RYR2: variants seen among roughly 807,000 people sequenced by gnomAD.
RYR2 encodes the protein ryanodine receptor 2.
RYR2 carries 227 observed loss-of-function variants against 601.1 expected under a neutral mutation model. The observed-to-expected ratio is 0.38, with a 90% confidence interval of 0.34 to 0.42. RYR2 has a LOEUF of 0.42. Ranked by LOEUF, RYR2 falls within the 10% of genes least tolerant of loss-of-function variation. The pLI is 1.00. For synonymous variants in RYR2, 2,223 were observed against 2,175.1 expected (o/e 1.02, Z -0.61); for missense variants, 4,646 against 6,156.5 (o/e 0.75, Z 8.21).
rs189987138 is a variant in RYR2 at position 237,314,725 on chromosome 1, C to T, written c.169-16153C>T. On this transcript the variant is annotated intron_variant, in intron 2 of 104. Coordinates refer to ENST00000366574, the MANE Select transcript of RYR2 (RefSeq NM_001035.3). Reference sequence around the variant, plus strand: ...CTGAAGTCCGTGATATATTATATTGCTTGCTCCTCACTTGTCTTTGTGTCC... The same window carrying T: ...CTGAAGTCCGTGATATATTATATTGTTTGCTCCTCACTTGTCTTTGTGTCC... 1.4e-3 allele frequency among the ~76,000 whole-genome samples: 214 copies of T among 152,274 alleles called. 1 individual carries two copies. Among genetic ancestry groups the T allele is most frequent in the African/African-American group, 3.7e-3 (154 of 41,544 alleles).
At chr1:237,593,729 AT>A in intron 33 of RYR2, 93 bp downstream of exon 33, 1 of 1,247,346 alleles carries the variant, frequency 8.0e-7, no homozygotes, top group Non-Finnish European at 1.1e-6. Flanking sequence ...TGACCAAGGT[AT>A]TTCTATTTAT....
chr1:237,756,221 T>C, intron 80 of RYR2, 67 bp from the exon 81 acceptor site: 1 of 1,022,834 alleles, frequency 9.8e-7, no homozygotes, highest in South Asian at 1.3e-5. Context: ...TGACTAAAAA[T>C]ATGGTCTGTA....
intron 16 of RYR2, among the ~76,000 whole-genome samples, chr1:237,462,449 G>T (rs935967961): frequency 1.3e-5 from 2 of 152,160 alleles, no homozygotes; most frequent in Non-Finnish European, 2.9e-5. Context: ...CATCACTGTG[G>T]CATGCTTTCA....
chr1:237,125,714 CAT>C (rs768299262), intron 1 of RYR2, among the ~76,000 whole-genome samples: 2 of 152,140 alleles, frequency 1.3e-5, no homozygotes, highest in Non-Finnish European at 2.9e-5. Context: ...AAAAAACAAA[CAT>C]GTATCATAAA....
In RYR2 at chr1:237,660,092, G is replaced by T; in HGVS notation, c.8298+18G>T. On this transcript the variant is annotated intron_variant, in intron 55 of 104. Transcript: ENST00000366574. The stretch of plus-strand genomic sequence containing the variant: ...CTGAAAAGGTAAGGATTTTTTGTTT[G>T]TTTTAGTTTGTAAAGTTTTTATTCT... 4 of 1,389,780 alleles carry T rather than the reference G, an allele frequency of 2.9e-6. No individual in the cohort carries two copies. Among genetic ancestry groups the T allele is most frequent in the South Asian group, 3.5e-5 (2 of 57,016 alleles). 86.1% of individuals were successfully genotyped at this position (1,389,780 alleles called of 1,614,324 possible).
Position 237,576,949 on chromosome 1 carries a change from A to G in RYR2, c.3598+7630A>G, listed in dbSNP as rs189247288. Among the ~76,000 whole-genome samples the G allele has an allele frequency of 6.6e-3, 1,001 of 152,284 alleles. 9 individuals carry two copies. The highest frequency in any genetic ancestry group is 0.031 in the Middle Eastern group (9 of 294). ...ATTCTGTTGGCAAACATTTGTAAAG[A>G]CCTGACAATACTCAGCATTGGAGAG... On this transcript the variant is annotated intron_variant, in intron 29 of 104. Coordinates refer to ENST00000366574, the MANE Select transcript of RYR2 (RefSeq NM_001035.3).
At chr1:237,383,703 A>G (rs1361058789) in intron 8 of RYR2, among the ~76,000 whole-genome samples, 1 of 152,012 alleles carries the variant, frequency 6.6e-6, no homozygotes, top group Non-Finnish European at 1.5e-5. Flanking sequence ...TGCTGGGATT[A>G]CAGGCGTGAG....
chr1:237,661,730 C>T (rs1411970031), intron 56 of RYR2, among the ~76,000 whole-genome samples: 2 of 152,194 alleles, frequency 1.3e-5, no homozygotes, highest in African/African-American at 4.8e-5. Flanking sequence ...TATACAGCCA[C>T]ACAGGCAGAG....
intron 25 of RYR2, among the ~76,000 whole-genome samples, chr1:237,544,636 A>AT (rs1282134698): frequency 6.6e-6 from 1 of 152,218 alleles, no homozygotes; most frequent in Admixed American, 6.5e-5. Flanking sequence ...ATAATCATTC[A>AT]TATTAGCAGT....
rs565435952 is a variant in RYR2 at position 237,631,871 on chromosome 1, G to A, written c.6555+330G>A. On this transcript the variant is annotated intron_variant, in intron 42 of 104. Transcript: ENST00000366574. ...TCTCGATCTCCTGACCTCGTGATCC[G>A]CCCGCCTTGGCCTCCCCTCCCGAAG... Among the ~76,000 whole-genome samples, 2,380 of 53,688 alleles carry A rather than the reference G, an allele frequency of 0.044. 114 individuals are homozygous for A. The highest frequency in any genetic ancestry group is 0.23 in the East Asian group (945 of 4,182). 35.2% of individuals were successfully genotyped at this position (53,688 alleles called of 152,430 possible).
chr1:237,828,558 C>T (rs1663415812), intron 102 of RYR2, 113 bp downstream of exon 102: 3 of 680,996 alleles, frequency 4.4e-6, no homozygotes, highest in Non-Finnish European at 7.4e-6. Context: ...AAGGGCACAA[C>T]TTGTGGTTTC....
At chr1:237,825,947 A>G (rs1226589727) in intron 101 of RYR2, among the ~76,000 whole-genome samples, 1 of 152,208 alleles carries the variant, frequency 6.6e-6, no homozygotes, top group Non-Finnish European at 1.5e-5. Flanking sequence ...AAGAAATGCA[A>G]ATCAAAACCA....
chr1:237,673,806 C>T (rs1685161808), intron 58 of RYR2, among the ~76,000 whole-genome samples: 2 of 152,170 alleles, frequency 1.3e-5, no homozygotes, highest in South Asian at 4.1e-4. Flanking sequence ...GAGAATACAG[C>T]TGCTTCCCTC....
chr1:237,277,965 C>T (rs1690456619), intron 2 of RYR2, among the ~76,000 whole-genome samples: 1 of 152,148 alleles, frequency 6.6e-6, no homozygotes, highest in South Asian at 2.1e-4. Context: ...ATCATGTATA[C>T]ATGTGCTAAT....
Position 237,678,127 on chromosome 1 carries a change from C to T in RYR2, c.8895+15C>T, listed in dbSNP as rs762039626. The T allele has an allele frequency of 3.3e-6, 5 of 1,499,482 alleles. No individual in the cohort carries two copies. In the African/African-American group the frequency reaches 6.8e-5, roughly 20 times the overall value. The allele number at this position is 1,499,482 out of a possible 1,614,324, so 92.9% of individuals were successfully genotyped here. A position where few individuals can be genotyped will look rare whatever the true frequency, so the allele number is the denominator to read the frequency against. On this transcript the variant is annotated intron_variant, in intron 61 of 104. Transcript: ENST00000366574. ...TCTTTGCAAAAGTACAGTATACAAT[C>T]TATCTTGTTTTTGCTTCAATATGTT...
chr1:237,793,721 A>T, intron 94 of RYR2, 146 bp from the exon 95 acceptor site: 1 of 642,678 alleles, frequency 1.6e-6, no homozygotes, highest in Non-Finnish European at 2.7e-6. Flanking sequence ...CTGCTTGAAT[A>T]TAGCTGATTC....
intron 1 of RYR2, among the ~76,000 whole-genome samples, chr1:237,222,275 T>A (rs1197740627): frequency 6.6e-6 from 1 of 151,796 alleles, no homozygotes; most frequent in Admixed American, 6.6e-5. Context: ...TAGCTGGGCG[T>A]GGTGGCAGGC....
chr1:237,107,557 C>A (rs1668875805), intron 1 of RYR2, among the ~76,000 whole-genome samples: 1 of 140,986 alleles, frequency 7.1e-6, no homozygotes, highest in African/African-American at 2.5e-5. Context: ...TAGGTTCTCA[C>A]TTCTCTGCAG....
intron 29 of RYR2, among the ~76,000 whole-genome samples, chr1:237,576,579 G>A (rs890726564): frequency 3.9e-5 from 6 of 152,146 alleles, no homozygotes; most frequent in South Asian, 2.1e-4. Flanking sequence ...ATATGATAAC[G>A]AACTCCAAAT....
Sources: allele counts gnomAD v4.1 joint callset (sites outside exome capture counted in the v4.1 genomes callset), GRCh38; gene constraint gnomAD v4.1.1; transcripts MANE v1.5; gene names NCBI Gene and HGNC (gene_info 2026-07-23, HGNC 2026-07-21).